The following KLRG1 variants were observed in gnomAD, a reference collection of about 807,000 sequenced individuals.
The protein encoded by KLRG1 is killer cell lectin-like receptor subfamily G member 1.
A neutral mutation model predicts 21.8 loss-of-function variants in KLRG1; 16 were observed. The ratio of observed to expected loss-of-function variants is 0.73; its 90% CI spans 0.50 to 1.11. KLRG1 has a LOEUF of 1.11. Ranked by LOEUF, KLRG1 falls within the 50% of genes most tolerant of loss-of-function variation. KLRG1 has a pLI of 0.00. For synonymous variants in KLRG1, 69 were observed against 75.9 expected (o/e 0.91, Z 0.47); for missense variants, 173 against 218.3 (o/e 0.79, Z 1.31).
At chr12:9,200,976 C>G in the KLRG1 span, 2 of 1,613,970 alleles carry the variant, frequency 1.2e-6, no homozygotes, top group African/African-American at 2.7e-5. Flanking sequence ...TGAATGGGCT[C>G]TGATGAGAGG....
chr12:8,960,653 C>A (rs1225931122), intron 1 of KLRG1, among the ~76,000 whole-genome samples: 1 of 152,096 alleles, frequency 6.6e-6, no homozygotes, highest in Non-Finnish European at 1.5e-5. Context: ...CCTAACTGAC[C>A]TTTTGTTCCA....
chr12:9,062,266 T>C, the KLRG1 span, among the ~76,000 whole-genome samples: 1 of 99,180 alleles, frequency 1.0e-5, no homozygotes. Flanking sequence ...ATATATTGTA[T>C]AAAAAATCAC....
chr12:9,160,474 A>T, the KLRG1 span: 1 of 1,613,486 alleles, frequency 6.2e-7, no homozygotes, highest in Admixed American at 1.7e-5. Flanking sequence ...TTTGCATAGC[A>T]GAACCTAATA....
chr12:9,154,327 G>A, the KLRG1 span, among the ~76,000 whole-genome samples: 1 of 152,150 alleles, frequency 6.6e-6, no homozygotes, highest in Admixed American at 6.5e-5. Context: ...TAGTGTTGAT[G>A]CTGAAAAACT....
the KLRG1 span, chr12:9,169,433 G>T: frequency 6.3e-7 from 1 of 1,591,198 alleles, no homozygotes; most frequent in African/African-American, 1.4e-5. Flanking sequence ...ATTTTACCTT[G>T]AGGAAGCTAT....
the KLRG1 span, among the ~76,000 whole-genome samples, chr12:9,114,888 T>C: frequency 6.6e-6 from 1 of 152,288 alleles, no homozygotes; most frequent in East Asian, 1.9e-4. Flanking sequence ...ACAAAATAAA[T>C]ACAAAGTATG....
At chr12:9,177,522 A>C in the KLRG1 span, among the ~76,000 whole-genome samples, 1 of 152,232 alleles carries the variant, frequency 6.6e-6, no homozygotes, top group African/African-American at 2.4e-5. Context: ...TTATTGTTTT[A>C]AGCCACTAGG....
chr12:9,158,642 C>T, the KLRG1 span: 2 of 1,509,256 alleles, frequency 1.3e-6, no homozygotes, highest in East Asian at 2.3e-5. Context: ...CTGTTTTGTA[C>T]ACACAGGCTC....
the KLRG1 span, chr12:9,157,773 TG>T: frequency 6.2e-7 from 1 of 1,613,698 alleles, no homozygotes; most frequent in Non-Finnish European, 8.5e-7. Flanking sequence ...CTACAGTGAC[TG>T]GGAGAGGAAT....
the KLRG1 span, chr12:9,101,445 A>G: frequency 6.2e-7 from 1 of 1,609,022 alleles, no homozygotes; most frequent in Non-Finnish European, 8.5e-7. Flanking sequence ...CTCCCTTCTC[A>G]CCAGATAATA....
At chr12:9,104,256 T>A in the KLRG1 span, 1 of 1,612,402 alleles carries the variant, frequency 6.2e-7, no homozygotes, top group Non-Finnish European at 8.5e-7. Context: ...GTAAGAGAGG[T>A]ACCCATAACA....
the KLRG1 span, among the ~76,000 whole-genome samples, chr12:9,190,599 G>T: frequency 6.6e-6 from 1 of 151,986 alleles, no homozygotes; most frequent in Admixed American, 6.6e-5. Flanking sequence ...TGGGTAGTAG[G>T]CTTAGAACCT....
At chr12:9,134,173 T>C in the KLRG1 span, among the ~76,000 whole-genome samples, 2 of 152,154 alleles carry the variant, frequency 1.3e-5, no homozygotes, top group Non-Finnish European at 2.9e-5. Flanking sequence ...CATGGCAGAA[T>C]TGCAGAATTG....
the KLRG1 span, chr12:9,151,761 T>C: frequency 2.9e-6 from 3 of 1,022,024 alleles, no homozygotes; most frequent in Non-Finnish European, 3.0e-6. Flanking sequence ...AAGGGACAAA[T>C]GGTCATTCTC....
chr12:9,142,390 C>G, the KLRG1 span, among the ~76,000 whole-genome samples: 1 of 152,114 alleles, frequency 6.6e-6, no homozygotes, highest in Non-Finnish European at 1.5e-5. Flanking sequence ...ATTTTGACAC[C>G]TAATAGTATT....
chr12:8,994,159 G>C (rs1947061144), intron 2 of KLRG1, among the ~76,000 whole-genome samples: 1 of 152,130 alleles, frequency 6.6e-6, no homozygotes, highest in Non-Finnish European at 1.5e-5. Flanking sequence ...CTGCCTCCTG[G>C]GTTCAAGTGA....
the KLRG1 span, among the ~76,000 whole-genome samples, chr12:9,023,573 T>C: frequency 6.6e-6 from 1 of 152,142 alleles, no homozygotes; most frequent in Non-Finnish European, 1.5e-5. Flanking sequence ...CCTTTTTTTT[T>C]TTAAGAGATG....
At chr12:9,203,640 C>A in the KLRG1 span, 2 of 1,124,586 alleles carry the variant, frequency 1.8e-6, no homozygotes, top group South Asian at 3.2e-5. Context: ...CGCACCTGGC[C>A]CCTGAAGTCC....
chr12:9,072,406 A>C, the KLRG1 span: 1 of 1,613,944 alleles, frequency 6.2e-7, no homozygotes, highest in Non-Finnish European at 8.5e-7. Context: ...TGGGTTCATC[A>C]CAAGTTTGAG....
Sources: gnomAD v4.1 joint callset for allele counts (sites outside exome capture counted in the v4.1 genomes callset) on GRCh38, gnomAD v4.1.1 for gene constraint, MANE v1.5 for transcripts, NCBI Gene and HGNC (gene_info 2026-07-23, HGNC 2026-07-21) for gene names.